ATP5PF: variants seen among roughly 807,000 people sequenced by gnomAD.
ATP5PF encodes the protein ATP synthase peripheral stalk subunit F6, mitochondrial.
Under a neutral mutation model 12.0 loss-of-function variants are expected in ATP5PF, and 7 were observed. That is an observed-to-expected ratio of 0.58 (90% CI 0.33 to 1.10). The LOEUF (loss-of-function observed/expected upper bound fraction) is 1.10. Among genes scored for constraint, ATP5PF ranks in the 50% least tolerant of loss-of-function variants. The probability of loss-of-function intolerance (pLI) is 0.03; values close to 1 mark genes in which losing one functional copy is unlikely to be tolerated. For synonymous variants in ATP5PF, 41 were observed against 45.4 expected, an observed-to-expected ratio of 0.90 and a Z score of 0.39; for missense variants, 120 against 127.7, an observed-to-expected ratio of 0.94 and a Z score of 0.29.
At chr21:25,734,475 T>G in intron 1 of ATP5PF, 3 of 783,306 alleles carry the variant, frequency 3.8e-6, no homozygotes, top group Non-Finnish European at 4.7e-6. Context: ...TCCCTCTTAA[T>G]GGTACACGTT....
In ATP5PF at chr21:25,733,391, G is replaced by A. The variant is rs997381803; in HGVS notation, c.-8+1462C>T. 5.3e-5 allele frequency among the ~76,000 whole-genome samples: 8 copies of A among 152,254 alleles called. No homozygotes were observed. In the East Asian group the frequency reaches 1.5e-3, roughly 29 times the overall value. ...GAAAAATACAAAAAATTAGCCAGGC[G>A]TGGTGGCGGGCACCTGTAGTCCCAG... On this transcript the variant is annotated intron_variant, in intron 1 of 3. Transcript: ENST00000284971.
At chr21:25,725,435 G>C in intron 2 of ATP5PF, 85 bp from the exon 3 acceptor site, 6 of 1,280,442 alleles carry the variant, frequency 4.7e-6, no homozygotes, top group Non-Finnish European at 6.2e-6. Context: ...CATTCCAACA[G>C]ATCTTTTTTT....
chr21:25,724,561 T>G lies in ATP5PF; in HGVS notation c.*79A>C. 2.8e-6 allele frequency: 4 copies of G among 1,441,808 alleles called. No individual in the cohort carries two copies. Among genetic ancestry groups the G allele is most frequent in the Non-Finnish European group, 3.9e-6 (4 of 1,038,780 alleles). 89.3% of individuals were successfully genotyped at this position (1,441,808 alleles called of 1,614,324 possible). A position where few individuals can be genotyped will look rare whatever the true frequency, so the allele number is the denominator to read the frequency against. On this transcript the variant is annotated 3_prime_UTR_variant, in exon 4 of 4. Coordinates refer to ENST00000284971, the MANE Select transcript of ATP5PF (RefSeq NM_001003703.2). ...AAAAGAACATTTGACAGTTATGAAA[T>G]GCATGTTTATTCTGAAACTTCTAAC...
chr21:25,725,443 T>C, intron 2 of ATP5PF, 93 bp from the exon 3 acceptor site: 3 of 1,346,506 alleles, frequency 2.2e-6, no homozygotes, highest in Non-Finnish European at 2.9e-6. Flanking sequence ...CAGATCTTTT[T>C]TTTTTTTTCT....
At chr21:25,734,314 A>G in intron 1 of ATP5PF, 1 of 985,834 alleles carries the variant, frequency 1.0e-6, no homozygotes, top group Non-Finnish European at 1.2e-6. Context: ...GCATGGTTCT[A>G]TTTATAGTGA....
chr21:25,734,243 G>C (rs2034915800), intron 1 of ATP5PF: 1 of 839,092 alleles, frequency 1.2e-6, no homozygotes, highest in African/African-American at 1.8e-5. Flanking sequence ...TGATCAGAAA[G>C]ACTGGGGAAG....
At chr21:25,729,883 C>A (rs2034714759) in intron 1 of ATP5PF, 82 bp from the exon 2 acceptor site, 2 of 1,411,852 alleles carry the variant, frequency 1.4e-6, no homozygotes, top group East Asian at 4.9e-5. Flanking sequence ...TCAAATTCTA[C>A]TAATTGCTAC....
intron 2 of ATP5PF, among the ~76,000 whole-genome samples, chr21:25,727,621 C>T (rs538738574): frequency 1.6e-4 from 25 of 152,178 alleles, no homozygotes; most frequent in South Asian, 6.2e-4. Context: ...TTTGCACAAA[C>T]GAATGAATGA....
At chr21:25,733,296 G>C (rs528956212) in intron 1 of ATP5PF, among the ~76,000 whole-genome samples, 1 of 152,232 alleles carries the variant, frequency 6.6e-6, no homozygotes, top group South Asian at 2.1e-4. Flanking sequence ...TTGGGAGGCC[G>C]AGGCGGGCAG....
intron 1 of ATP5PF, among the ~76,000 whole-genome samples, chr21:25,732,473 C>T (rs1327379123): frequency 6.6e-6 from 1 of 151,170 alleles, no homozygotes; most frequent in Non-Finnish European, 1.5e-5. Flanking sequence ...ACAGTATGAC[C>T]CCATCTCTAC....
rs1401817304 is a variant in ATP5PF, at chr21:25,724,540, G to C, written c.*100C>G. On this transcript the variant is annotated 3_prime_UTR_variant, in exon 4 of 4. Transcript: ENST00000284971. ...AATTTATTTGGACTCAGAATTAAAA[G>C]AACATTTGACAGTTATGAAATGCAT... 7.7e-7 allele frequency: 1 copy of C among 1,306,646 alleles called. No individual in the cohort carries two copies. Among genetic ancestry groups the C allele is most frequent in the African/African-American group, 1.5e-5 (1 of 66,476 alleles). The allele number at this position is 1,306,646 out of a possible 1,614,324, so 80.9% of individuals were successfully genotyped here. A position where few individuals can be genotyped will look rare whatever the true frequency, so the allele number is the denominator to read the frequency against.
intron 1 of ATP5PF, chr21:25,734,377 T>C (rs2034923830): frequency 1.0e-6 from 1 of 991,106 alleles, no homozygotes; most frequent in Non-Finnish European, 1.2e-6. Flanking sequence ...TGCATATTCC[T>C]ATGAACAATC....
intron 2 of ATP5PF, among the ~76,000 whole-genome samples, chr21:25,728,419 T>C (rs2034673250): frequency 6.6e-6 from 1 of 152,188 alleles, no homozygotes; most frequent in Admixed American, 6.5e-5. Context: ...TCACCAAATA[T>C]ATTTTGTGCT....
upstream of ATP5PF, chr21:25,735,163 G>A (rs1292542958): frequency 4.8e-6 from 3 of 622,850 alleles, no homozygotes; most frequent in Non-Finnish European, 8.7e-6. Flanking sequence ...ACCTTGCTCT[G>A]TACGCATGCG....
At chr21:25,734,753 C>G (rs1056524180) in intron 1 of ATP5PF, 100 bp downstream of exon 1, 70 of 1,227,530 alleles carry the variant, frequency 5.7e-5, no homozygotes, top group Non-Finnish European at 7.0e-5. Context: ...CAGAGCTGCT[C>G]TCTCCTCCTA....
At chr21:25,734,911 G>A, upstream of ATP5PF, 5 of 1,566,858 alleles carry the variant, frequency 3.2e-6, no homozygotes, top group Non-Finnish European at 4.3e-6. Flanking sequence ...CTCTACTTCC[G>A]GCCCTGGCTC....
chr21:25,724,973 G>A, intron 3 of ATP5PF: 1 of 596,716 alleles, frequency 1.7e-6, no homozygotes, highest in Non-Finnish European at 2.8e-6. Flanking sequence ...TTACACAGCT[G>A]AAAGTGATTA....
intron 2 of ATP5PF, among the ~76,000 whole-genome samples, chr21:25,729,141 A>G (rs1056667624): frequency 1.3e-5 from 2 of 152,208 alleles, no homozygotes; most frequent in Middle Eastern, 3.2e-3. Flanking sequence ...TAACTATGGA[A>G]ATAGCCTTTT....
At chr21:25,734,403 T>C in intron 1 of ATP5PF, 1 of 992,838 alleles carries the variant, frequency 1.0e-6, no homozygotes, top group Non-Finnish European at 1.2e-6. Context: ...AGTCGCCTAA[T>C]GAAGTGTTAG....
Sources: gnomAD v4.1 joint callset for allele counts (sites outside exome capture counted in the v4.1 genomes callset) on GRCh38, gnomAD v4.1.1 for gene constraint, MANE v1.5 for transcripts, NCBI Gene and HGNC (gene_info 2026-07-23, HGNC 2026-07-21) for gene names.